CAP2: variants seen among roughly 807,000 people sequenced by gnomAD.
CAP2 encodes the protein cyclase associated actin cytoskeleton regulatory protein 2.
CAP2 carries 24 observed loss-of-function variants against 57.7 expected under a neutral mutation model. That is an observed-to-expected ratio of 0.42 (90% confidence interval 0.30 to 0.58). The LOEUF (loss-of-function observed/expected upper bound fraction) is 0.58, where lower values mean the gene tolerates loss of function less well. Among genes scored for constraint, CAP2 ranks in the 20% least tolerant of loss-of-function variants. The probability of loss-of-function intolerance (pLI) is 0.22; values close to 1 mark genes in which losing one functional copy is unlikely to be tolerated. For synonymous variants in CAP2, 194 were observed against 207.2 expected (o/e 0.94, Z 0.55); for missense variants, 501 against 590.3 (o/e 0.85, Z 1.57).
At chr6:17,417,945 G>A (rs780104134) in intron 1 of CAP2, among the ~76,000 whole-genome samples, 1 of 152,170 alleles carries the variant, frequency 6.6e-6, no homozygotes, top group South Asian at 2.1e-4. Flanking sequence ...GTCTGTATTT[G>A]CTTTGACTAC....
intron 4 of CAP2, among the ~76,000 whole-genome samples, chr6:17,474,024 T>A (rs888892369): frequency 6.6e-6 from 1 of 152,114 alleles, no homozygotes; most frequent in Non-Finnish European, 1.5e-5. Context: ...TTCCAGAGAT[T>A]TGAAAACAAA....
chr6:17,556,840 T>C lies in CAP2; in HGVS notation c.*398T>C, dbSNP rs1271968973. On this transcript the variant is annotated 3_prime_UTR_variant, in exon 13 of 13. Coordinates refer to ENST00000229922, the MANE Select transcript of CAP2 (RefSeq NM_006366.3). ...GAATCTAAGATGTACATTTTTACCT[T>C]TTAGGCAATTTCAATATAATGTAGA... 1 of 174,258 alleles carries C rather than the reference T, an allele frequency of 5.7e-6. No homozygotes were observed. The highest frequency in any genetic ancestry group is 1.2e-5 in the Non-Finnish European group (1 of 81,584). 10.8% of individuals were successfully genotyped at this position (174,258 alleles called of 1,614,324 possible). A position where few individuals can be genotyped will look rare whatever the true frequency, so the allele number is the denominator to read the frequency against.
chr6:17,466,438 A>T (rs1760866853), intron 4 of CAP2, among the ~76,000 whole-genome samples: 1 of 152,228 alleles, frequency 6.6e-6, no homozygotes, highest in Non-Finnish European at 1.5e-5. Context: ...CTCCTCGTCC[A>T]GAGACCACAC....
At chr6:17,500,035 G>A (rs990619239) in intron 4 of CAP2, among the ~76,000 whole-genome samples, 15 of 151,572 alleles carry the variant, frequency 9.9e-5, no homozygotes, top group Non-Finnish European at 1.5e-5. Context: ...GTAAAATCAT[G>A]TACATGAGTG....
intron 7 of CAP2, among the ~76,000 whole-genome samples, chr6:17,516,893 C>T (rs1282836274): frequency 6.6e-6 from 1 of 152,150 alleles, no homozygotes; most frequent in Non-Finnish European, 1.5e-5. Context: ...CGCCTATTTT[C>T]TCCATAGCAC....
rs1443706539 is a variant in CAP2 at position 17,403,669 on chromosome 6, G to A, written c.-2+9923G>A. Among the ~76,000 whole-genome samples, 3 of 152,122 alleles carry A rather than the reference G, an allele frequency of 2.0e-5. No homozygotes were observed. The East Asian group carries it at 5.8e-4, about 29-fold the overall frequency. On this transcript the variant is annotated intron_variant, in intron 1 of 12. Transcript: ENST00000229922. ...AATGTTTTTGATGCAGAAAAGTATG[G>A]TAGGCTAATGAGTAAAATAGGCTAA...
In CAP2 at chr6:17,401,999, TG is replaced by T. The variant is rs1227964887; in HGVS notation, c.-2+8255del. On this transcript the variant is annotated intron_variant, in intron 1 of 12. Transcript: ENST00000229922. ...TCTCTATATAATATATAATTGGGGA[TG>T]GAACTCATTTTTATGCTTCTTATTT... is the stretch of plus-strand genomic sequence containing the variant. Among the ~76,000 whole-genome samples, 4 of 152,354 alleles carry T rather than the reference TG, an allele frequency of 2.6e-5. No homozygotes were observed. The East Asian group carries it at 7.7e-4, about 29-fold the overall frequency.
intron 1 of CAP2, among the ~76,000 whole-genome samples, chr6:17,410,220 C>T (rs1007176895): frequency 1.3e-5 from 2 of 152,164 alleles, no homozygotes; most frequent in Admixed American, 1.3e-4. Flanking sequence ...CCCACATGCT[C>T]CCACCACATC....
chr6:17,532,226 C>T (rs944930400), intron 7 of CAP2, among the ~76,000 whole-genome samples: 14 of 149,916 alleles, frequency 9.3e-5, no homozygotes, highest in Admixed American at 2.7e-4. Flanking sequence ...CTGCAACCTC[C>T]GCCTCCCGAG....
intron 4 of CAP2, among the ~76,000 whole-genome samples, chr6:17,481,533 C>A (rs1314438280): frequency 6.6e-6 from 1 of 152,114 alleles, no homozygotes; most frequent in African/African-American, 2.4e-5. Context: ...CCTGATAGTT[C>A]CAAGAATTTA....
chr6:17,413,744 C>G (rs1292295798), intron 1 of CAP2, among the ~76,000 whole-genome samples: 4 of 152,136 alleles, frequency 2.6e-5, no homozygotes, highest in Non-Finnish European at 4.4e-5. Flanking sequence ...GTCACTGATA[C>G]GGTTACTGTA....
At chr6:17,524,888 CTTTTCTTTTTT>C (rs1217194045) in intron 7 of CAP2, among the ~76,000 whole-genome samples, 24 of 72,240 alleles carry the variant, frequency 3.3e-4, no homozygotes, top group East Asian at 9.4e-4. Flanking sequence ...CTTTTCTTTT[CTTTTCTTTTTT>C]TTTTTTTTTT....
At chr6:17,492,930 T>G (rs79552550) in intron 4 of CAP2, among the ~76,000 whole-genome samples, 159 of 152,216 alleles carry the variant, frequency 1.0e-3, no homozygotes, top group African/African-American at 3.5e-3. Context: ...TCAATAAATA[T>G]TGTAACAGAT....
chr6:17,405,498 G>GTCTCTCTCTCTC (rs57158664), intron 1 of CAP2, among the ~76,000 whole-genome samples: 1 of 148,414 alleles, frequency 6.7e-6, no homozygotes, highest in African/African-American at 2.5e-5. Flanking sequence ...TGAATGTGGA[G>GTCTCTCTCTCTC]TCTCTCTCTC....
chr6:17,487,594 T>C (rs1378186958), intron 4 of CAP2, among the ~76,000 whole-genome samples: 1 of 152,058 alleles, frequency 6.6e-6, no homozygotes, highest in Non-Finnish European at 1.5e-5. Flanking sequence ...CTCAGCTTCC[T>C]GAGTAGCTGG....
At chr6:17,488,209 G>A (rs1341506756) in intron 4 of CAP2, among the ~76,000 whole-genome samples, 2 of 152,178 alleles carry the variant, frequency 1.3e-5, no homozygotes, top group Non-Finnish European at 2.9e-5. Flanking sequence ...CATCCAACCT[G>A]ATTCTTACTC....
intron 7 of CAP2, among the ~76,000 whole-genome samples, chr6:17,514,895 T>C (rs947716749): frequency 6.6e-6 from 1 of 151,906 alleles, no homozygotes; most frequent in African/African-American, 2.4e-5. Context: ...ATTAAGATGA[T>C]GTATATGTTA....
chr6:17,472,808 G>T (rs956633310), intron 4 of CAP2, among the ~76,000 whole-genome samples: 6 of 152,180 alleles, frequency 3.9e-5, no homozygotes, highest in Admixed American at 2.0e-4. Flanking sequence ...ATCCCAACAG[G>T]AAAGCTAATC....
At chr6:17,547,024 T>C (rs1159994294) in intron 11 of CAP2, among the ~76,000 whole-genome samples, 1 of 152,136 alleles carries the variant, frequency 6.6e-6, no homozygotes, top group Non-Finnish European at 1.5e-5. Flanking sequence ...ACAAGCATTC[T>C]TATACACCAA....
Sources: allele counts gnomAD v4.1 joint callset (sites outside exome capture counted in the v4.1 genomes callset), GRCh38; gene constraint gnomAD v4.1.1; transcripts MANE v1.5; gene names NCBI Gene and HGNC (gene_info 2026-07-23, HGNC 2026-07-21).